ICA1: variants seen among roughly 807,000 people sequenced by gnomAD.
ICA1 encodes the protein 69 kDa islet cell autoantigen.
In ICA1, 40 loss-of-function variants were observed where a neutral mutation model predicts 71.0. That is an observed-to-expected ratio of 0.56 (90% CI 0.44 to 0.73). ICA1 has a LOEUF of 0.73. Ranked by LOEUF, ICA1 falls within the 30% of genes least tolerant of loss-of-function variation. The pLI is 0.00. For synonymous variants in ICA1, 207 were observed against 209.5 expected, an observed-to-expected ratio of 0.99 and a Z score of 0.10; for missense variants, 578 against 576.5, an observed-to-expected ratio of 1.00 and a Z score of -0.03.
chr7:8,255,420 C>T (rs1027332561), intron 1 of ICA1, among the ~76,000 whole-genome samples: 2 of 152,188 alleles, frequency 1.3e-5, no homozygotes, highest in Non-Finnish European at 2.9e-5. Context: ...TCTTTGCTAG[C>T]TTCTTTTCCT....
intron 1 of ICA1, among the ~76,000 whole-genome samples, chr7:8,259,400 G>C (rs1192897263): frequency 1.3e-5 from 2 of 152,170 alleles, no homozygotes; most frequent in Non-Finnish European, 2.9e-5. Flanking sequence ...CCCAACTTCA[G>C]AGAGTGTTTT....
chr7:8,141,935 G>T, intron 9 of ICA1, 118 bp from the exon 10 acceptor site: 1 of 985,492 alleles, frequency 1.0e-6, no homozygotes, highest in Middle Eastern at 2.4e-4. Flanking sequence ...CCACACACAC[G>T]CACACGAAGA....
intron 6 of ICA1, among the ~76,000 whole-genome samples, chr7:8,185,499 A>C (rs1160073161): frequency 6.6e-6 from 1 of 152,208 alleles, no homozygotes; most frequent in Non-Finnish European, 1.5e-5. Context: ...AGCTTGATAG[A>C]AATGTAATTC....
chr7:8,256,470 A>G (rs933022791), intron 1 of ICA1, among the ~76,000 whole-genome samples: 14 of 152,150 alleles, frequency 9.2e-5, no homozygotes, highest in East Asian at 1.9e-4. Context: ...AGGACTTGAG[A>G]TGATTCTTTC....
chr7:8,191,864 A>G (rs928668130), intron 6 of ICA1, among the ~76,000 whole-genome samples: 1 of 152,146 alleles, frequency 6.6e-6, no homozygotes, highest in Non-Finnish European at 1.5e-5. Context: ...CAAATCACAA[A>G]GACACTAAAC....
chr7:8,227,665 G>A (rs1222074713), intron 4 of ICA1: 4 of 413,782 alleles, frequency 9.7e-6, no homozygotes, highest in South Asian at 3.6e-5. Context: ...GGAGCACAAC[G>A]GCTCATTATA....
At chr7:8,252,648 GTATT>G (rs1399595753) in intron 1 of ICA1, among the ~76,000 whole-genome samples, 1 of 151,098 alleles carries the variant, frequency 6.6e-6, no homozygotes, top group Non-Finnish European at 1.5e-5. Context: ...ATAAATCCAT[GTATT>G]TATAGTTATA....
chr7:8,205,286 G>T (rs533822562), intron 6 of ICA1, among the ~76,000 whole-genome samples: 6 of 152,144 alleles, frequency 3.9e-5, no homozygotes, highest in Non-Finnish European at 5.9e-5. Context: ...AGGAAGATAT[G>T]CAGATCTTTA....
At chr7:8,202,715 T>C (rs1790145458) in intron 6 of ICA1, among the ~76,000 whole-genome samples, 1 of 152,190 alleles carries the variant, frequency 6.6e-6, no homozygotes, top group Non-Finnish European at 1.5e-5. Context: ...AGAAATTACC[T>C]CCAAGCCAGG....
chr7:8,183,791 T>A (rs1215813161), intron 6 of ICA1, among the ~76,000 whole-genome samples: 1 of 152,202 alleles, frequency 6.6e-6, no homozygotes, highest in African/African-American at 2.4e-5. Context: ...CAATTATGCC[T>A]CTCTGTAAGG....
At chr7:8,200,516 C>T (rs1032321178) in intron 6 of ICA1, among the ~76,000 whole-genome samples, 6 of 151,772 alleles carry the variant, frequency 4.0e-5, no homozygotes, top group South Asian at 2.1e-4. Context: ...GTTTGGGGGA[C>T]GCAATCATGA....
At chr7:8,171,282 C>A (rs1473073108) in intron 6 of ICA1, among the ~76,000 whole-genome samples, 1 of 151,738 alleles carries the variant, frequency 6.6e-6, no homozygotes, top group Non-Finnish European at 1.5e-5. Context: ...CTGAGGTTTC[C>A]TTTGTAGAAA....
intron 6 of ICA1, among the ~76,000 whole-genome samples, chr7:8,212,276 A>G (rs537950792): frequency 6.6e-6 from 1 of 152,246 alleles, no homozygotes; most frequent in Non-Finnish European, 1.5e-5. Flanking sequence ...AGAAAAAAAA[A>G]TACTAAGGCC....
At chr7:8,249,642 G>A (rs191261959) in intron 1 of ICA1, among the ~76,000 whole-genome samples, 55 of 152,222 alleles carry the variant, frequency 3.6e-4, no homozygotes, top group African/African-American at 1.2e-3. Flanking sequence ...ACTAATTTAC[G>A]TAACTTCTTC....
intron 12 of ICA1, among the ~76,000 whole-genome samples, chr7:8,128,345 T>C (rs1014616776): frequency 6.6e-6 from 1 of 152,250 alleles, no homozygotes; most frequent in Non-Finnish European, 1.5e-5. Flanking sequence ...CCTTGTCCCC[T>C]GTCCTCCAAA....
intron 1 of ICA1, among the ~76,000 whole-genome samples, chr7:8,261,331 G>T (rs1175956821): frequency 6.6e-6 from 1 of 152,140 alleles, no homozygotes. Context: ...CTGGAGAGCC[G>T]CTTTGGGGGA....
At chr7:8,203,484 G>C (rs1790448108) in intron 6 of ICA1, among the ~76,000 whole-genome samples, 1 of 152,164 alleles carries the variant, frequency 6.6e-6, no homozygotes, top group South Asian at 2.1e-4. Flanking sequence ...CTCTGAGAAA[G>C]TATTTCTCAA....
At position 8,187,768 on chromosome 7, in the gene ICA1, TA is replaced by T. The variant is rs1784349313; in HGVS notation, c.580-29117del. On this transcript the variant is annotated intron_variant, in intron 6 of 13. Coordinates refer to ENST00000402384, the MANE Select transcript of ICA1 (RefSeq NM_001136020.3). ...TCTATCTTTAACTTTTTTCACTTTT[TA>T]AACTTCTTTGTTAAAAACTAAGACA... is the stretch of plus-strand genomic sequence containing the variant. 3.3e-5 allele frequency among the ~76,000 whole-genome samples: 5 copies of T among 152,364 alleles called. No homozygotes were observed. In the South Asian group the frequency reaches 1.0e-3, roughly 32 times the overall value.
At chr7:8,164,670 A>G (rs1303237705) in intron 6 of ICA1, among the ~76,000 whole-genome samples, 1 of 152,228 alleles carries the variant, frequency 6.6e-6, no homozygotes, top group Non-Finnish European at 1.5e-5. Context: ...CTGAGGCAAC[A>G]TCCTGCATTC....
Sources: allele counts gnomAD v4.1 joint callset (sites outside exome capture counted in the v4.1 genomes callset), GRCh38; gene constraint gnomAD v4.1.1; transcripts MANE v1.5; gene names NCBI Gene and HGNC (gene_info 2026-07-23, HGNC 2026-07-21).